NOTCH1: variants seen among roughly 807,000 people sequenced by gnomAD.
NOTCH1 encodes notch receptor 1.
In NOTCH1, 37 loss-of-function variants were observed where a neutral mutation model predicts 254.8. The observed-to-expected ratio is 0.15, with a 90% confidence interval of 0.11 to 0.19. The LOEUF (loss-of-function observed/expected upper bound fraction) is 0.19, where lower values mean the gene tolerates loss of function less well. NOTCH1 is among the 10% of genes least tolerant of loss of function. NOTCH1 has a pLI of 1.00. For synonymous variants in NOTCH1, 1,731 were observed against 1,618.1 expected (o/e 1.07, Z -1.68); for missense variants, 2,972 against 3,708.6 (o/e 0.80, Z 5.16).
chr9:136,524,470 C>G (rs1006006169), intron 2 of NOTCH1, among the ~76,000 whole-genome samples: 2 of 152,128 alleles, frequency 1.3e-5, no homozygotes, highest in Non-Finnish European at 2.9e-5. Context: ...GTAGAGCCTC[C>G]GGGTCTGCAG....
chr9:136,522,277 G>A (rs866460564), intron 4 of NOTCH1, among the ~76,000 whole-genome samples: 2 of 152,136 alleles, frequency 1.3e-5, no homozygotes, highest in Non-Finnish European at 2.9e-5. Flanking sequence ...ACGCGCGGCC[G>A]AGACTGGAGG....
rs748041302 is a variant in NOTCH1 at position 136,543,638 on chromosome 9, C to T, written c.140+386G>A. 4.3e-4 allele frequency: 172 copies of T among 396,040 alleles called. 1 individual carries two copies. Among genetic ancestry groups the T allele is most frequent in the Non-Finnish European group, 6.4e-4 (134 of 208,570 alleles). 24.5% of individuals were successfully genotyped at this position (396,040 alleles called of 1,614,324 possible). A position where few individuals can be genotyped will look rare whatever the true frequency, so the allele number is the denominator to read the frequency against. Reference sequence around the variant, plus strand: ...CCTGTGCCCAGGAGGCATCACCCGCCCAGAGGAGGCGCCCCAAGTTGGCAG... The same window carrying T: ...CCTGTGCCCAGGAGGCATCACCCGCTCAGAGGAGGCGCCCCAAGTTGGCAG... On this transcript the variant is annotated intron_variant, in intron 2 of 33. Transcript: ENST00000651671.
intron 6 of NOTCH1, 84 bp from the exon 7 acceptor site, chr9:136,518,376 C>A: frequency 2.0e-6 from 3 of 1,523,622 alleles, no homozygotes; most frequent in Middle Eastern, 2.2e-4. Context: ...ACCCCACTGA[C>A]ACCCCAGGAG....
chr9:136,513,379 G>A lies in NOTCH1; in HGVS notation c.2353+13C>T, dbSNP rs200756000. The A allele has an allele frequency of 5.8e-5, 93 of 1,612,630 alleles. 1 individual carries two copies. The highest frequency in any genetic ancestry group is 3.8e-4 in the Admixed American group (23 of 60,014). On this transcript the variant is annotated intron_variant, in intron 14 of 33. Coordinates refer to ENST00000651671, the MANE Select transcript of NOTCH1 (RefSeq NM_017617.5). The surrounding 1 kb of genome is among the most constrained non-coding windows in gnomAD (Gnocchi z 4.7). ...GGCGGCCCTCTGCACTGAGAAACGC[G>A]CAGCCCACTCACCGCTGAAGCCCTC...
intron 2 of NOTCH1, among the ~76,000 whole-genome samples, chr9:136,542,544 C>CAAAAAA (rs1174860714): frequency 5.7e-5 from 3 of 52,504 alleles, no homozygotes; most frequent in African/African-American, 1.3e-4. Context: ...CCCCAAAAAG[C>CAAAAAA]AAAAAAAAAA....
rs1843793703 is a variant in NOTCH1 at position 136,545,081 on chromosome 9, T to C, written c.61+645A>G. 6.6e-6 allele frequency among the ~76,000 whole-genome samples: 1 copy of C among 151,246 alleles called. No homozygotes were observed. Among genetic ancestry groups the C allele is most frequent in the African/African-American group, 2.4e-5 (1 of 41,108 alleles). Reference sequence around the variant, plus strand: ...CGCGTCCCGCTCTCCGCCCCCAAGCTTTCCAAACTTCAACTCCGCAAAGCA... The same window carrying C: ...CGCGTCCCGCTCTCCGCCCCCAAGCCTTCCAAACTTCAACTCCGCAAAGCA... On this transcript the variant is annotated intron_variant, in intron 1 of 33. Coordinates refer to ENST00000651671, the MANE Select transcript of NOTCH1 (RefSeq NM_017617.5). This position sits in a 1 kb window ranked among gnomAD's most constrained non-coding sequence, Gnocchi z 6.8.
chr9:136,521,057 G>C (rs1200422444), intron 4 of NOTCH1, among the ~76,000 whole-genome samples: 1 of 152,176 alleles, frequency 6.6e-6, no homozygotes, highest in African/African-American at 2.4e-5. Context: ...CCCCATCTCG[G>C]TTCCCCGTGA....
intron 8 of NOTCH1, 53 bp from the exon 9 acceptor site, chr9:136,517,438 G>C: frequency 8.1e-7 from 1 of 1,235,212 alleles, no homozygotes; most frequent in East Asian, 2.5e-5. Context: ...GTGCCCCACT[G>C]GGCACAGCTG....
chr9:136,535,789 G>T (rs569718116), intron 2 of NOTCH1, among the ~76,000 whole-genome samples: 3 of 92,720 alleles, frequency 3.2e-5, no homozygotes, highest in South Asian at 4.2e-4. Context: ...GGAGAGGGGA[G>T]CACTCAGGAT....
Position 136,514,712 on chromosome 9 carries a change from G to C in NOTCH1, c.2015-10C>G. 6.2e-7 allele frequency: 1 copy of C among 1,611,202 alleles called. No homozygotes were observed. The highest frequency in any genetic ancestry group is 1.3e-5 in the African/African-American group (1 of 75,032). On this transcript the variant is annotated splice_polypyrimidine_tract_variant and intron_variant, in intron 12 of 33. Coordinates refer to ENST00000651671, the MANE Select transcript of NOTCH1 (RefSeq NM_017617.5). ...ATGTTACACATGCTCCCTAAGGGCA[G>C]GGCGGGTCAGACTCCGAGGCCCAGC...
chr9:136,501,677 G>C (rs571675944), intron 30 of NOTCH1, 71 bp downstream of exon 30: 2 of 1,566,066 alleles, frequency 1.3e-6, no homozygotes, highest in Non-Finnish European at 1.7e-6. Flanking sequence ...CTGTACCCCA[G>C]CCTCGGGGCT....
rs191885275 is a variant in NOTCH1, at chr9:136,534,801, C to T, written c.140+9223G>A. 2.0e-3 allele frequency among the ~76,000 whole-genome samples: 304 copies of T among 151,800 alleles called. 3 individuals carry two copies. The highest frequency in any genetic ancestry group is 6.5e-3 in the African/African-American group (267 of 41,312). On this transcript the variant is annotated intron_variant, in intron 2 of 33. Coordinates refer to ENST00000651671, the MANE Select transcript of NOTCH1 (RefSeq NM_017617.5). Reference sequence around the variant, plus strand: ...TCAGAGGCAAAGCCTCCCCTGTGCACGCCCAGCACATCAGAGCCCCCCAGT... The same window carrying T: ...TCAGAGGCAAAGCCTCCCCTGTGCATGCCCAGCACATCAGAGCCCCCCAGT...
At chr9:136,498,513 C>T (rs1294946805) in intron 33 of NOTCH1, among the ~76,000 whole-genome samples, 1 of 152,200 alleles carries the variant, frequency 6.6e-6, no homozygotes, top group Non-Finnish European at 1.5e-5. Context: ...ACATTCCCAT[C>T]CCCACCCCCG....
intron 2 of NOTCH1, among the ~76,000 whole-genome samples, chr9:136,527,215 G>A (rs1028903730): frequency 2.9e-4 from 44 of 152,318 alleles, no homozygotes; most frequent in African/African-American, 9.1e-4. Context: ...CCCTACAGAC[G>A]GCGAACACCT....
At chr9:136,526,412 C>T (rs778731457) in intron 2 of NOTCH1, among the ~76,000 whole-genome samples, 18 of 152,364 alleles carry the variant, frequency 1.2e-4, no homozygotes, top group Middle Eastern at 3.4e-3. Flanking sequence ...TCATCAAAGC[C>T]GGGGCTGGAG....
intron 18 of NOTCH1, among the ~76,000 whole-genome samples, chr9:136,509,299 G>A (rs1306034109): frequency 6.6e-6 from 1 of 152,226 alleles, no homozygotes; most frequent in Non-Finnish European, 1.5e-5. Flanking sequence ...GTCAGGTCGA[G>A]AGTGGTTTTA....
chr9:136,515,283 C>T lies in NOTCH1; in HGVS notation c.2014+7G>A, dbSNP rs562353347. 44 of 1,611,962 alleles carry T rather than the reference C, an allele frequency of 2.7e-5. No individual in the cohort carries two copies. The highest frequency in any genetic ancestry group is 3.3e-4 in the Middle Eastern group (2 of 6,060). ...TGCAGTCAGCCCCCACGTGCAGGGC[C>T]GCTCACCTGTGTAGCCCGGCTCACA... On this transcript the variant is annotated splice_region_variant and intron_variant, in intron 12 of 33. Coordinates refer to ENST00000651671, the MANE Select transcript of NOTCH1 (RefSeq NM_017617.5).
chr9:136,543,905 G>A (rs1843770481), intron 2 of NOTCH1, 119 bp downstream of exon 2: 5 of 947,160 alleles, frequency 5.3e-6, no homozygotes, highest in East Asian at 2.6e-5. Flanking sequence ...ACGTGACCGT[G>A]CCCAGACTCT....
intron 4 of NOTCH1, among the ~76,000 whole-genome samples, chr9:136,522,168 G>A (rs1414012739): frequency 2.0e-5 from 3 of 151,980 alleles, no homozygotes; most frequent in African/African-American, 4.8e-5. Context: ...TAGTAGAGAC[G>A]GGGTTTCGCC....
Sources: allele counts gnomAD v4.1 joint callset (sites outside exome capture counted in the v4.1 genomes callset), GRCh38; gene constraint gnomAD v4.1.1; non-coding constraint Gnocchi (gnomAD v3.1); transcripts MANE v1.5; gene names NCBI Gene and HGNC (gene_info 2026-07-23, HGNC 2026-07-21).